Variants in ATP13A5 observed in about 807,000 individuals in gnomAD.
ATP13A5 encodes probable cation-transporting ATPase 13A5.
A neutral mutation model predicts 150.2 loss-of-function variants in ATP13A5; 149 were observed. That is an observed-to-expected ratio of 0.99 (90% CI 0.87 to 1.14). ATP13A5 has a LOEUF of 1.14. Among genes scored for constraint, ATP13A5 ranks in the 50% most tolerant of loss-of-function variants. The pLI is 0.00. For synonymous variants in ATP13A5, 497 were observed against 522.2 expected (o/e 0.95, Z 0.66); for missense variants, 1,383 against 1,449.3 (o/e 0.95, Z 0.74).
In ATP13A5 at chr3:193,344,008, T is replaced by A. The variant is rs747676724; in HGVS notation, c.862A>T (p.Ile288Phe). The A allele has an allele frequency of 3.1e-6, 5 of 1,613,256 alleles. No homozygotes were observed. The highest frequency in any genetic ancestry group is 4.2e-6 in the Non-Finnish European group (5 of 1,179,596). The change falls in exon 9 of 30, where the codon ATT (isoleucine) becomes TTT (phenylalanine). Residue 288 changes from isoleucine (I) to phenylalanine (F), a missense_variant. Physicochemically the swap from Ile to Phe is conservative, Grantham distance 21. Coordinates refer to ENST00000342358, the MANE Select transcript of ATP13A5 (RefSeq NM_198505.4). Reference sequence around the variant, plus strand: ...GGCAATGAAAATTTTCCTGGAAGAATAAGAATGTCTCCGGGAACCAAGAGA... The same window carrying A: ...GGCAATGAAAATTTTCCTGGAAGAAAAAGAATGTCTCCGGGAACCAAGAGA... ...SRLLVPGDIL[I>F]LPGKFSLPCD... is the part of the protein sequence containing the mutation.
intron 24 of ATP13A5, among the ~76,000 whole-genome samples, chr3:193,300,151 T>C (rs1935569433): frequency 6.6e-6 from 1 of 152,194 alleles, no homozygotes; most frequent in South Asian, 2.1e-4. Flanking sequence ...CCTCCAATTC[T>C]TCCTGTCTTC....
intron 7 of ATP13A5, among the ~76,000 whole-genome samples, chr3:193,346,627 G>A (rs1712349224): frequency 6.6e-6 from 1 of 152,094 alleles, no homozygotes; most frequent in East Asian, 1.9e-4. Flanking sequence ...GTTTTGATCT[G>A]TTCTGTTGGT....
rs573322340 is a variant in ATP13A5, at chr3:193,316,675, A to AT, written c.2034-1580dup. Among the ~76,000 whole-genome samples the AT allele has an allele frequency of 1.9e-3, 296 of 151,954 alleles. 1 individual carries two copies. Among genetic ancestry groups the AT allele is most frequent in the African/African-American group, 6.8e-3 (280 of 41,462 alleles). On this transcript the variant is annotated intron_variant, in intron 17 of 29. Coordinates refer to ENST00000342358, the MANE Select transcript of ATP13A5 (RefSeq NM_198505.4). ...CATTTTTAAATTGGATTATTTATTG[A>AT]TTTTTCCTATTGAATTGTGTCCTCT...
At chr3:193,362,303 A>G (rs1405792800) in intron 5 of ATP13A5, 78 bp downstream of exon 5, 1 of 1,242,390 alleles carries the variant, frequency 8.0e-7, no homozygotes, top group Non-Finnish European at 1.2e-6. Context: ...TTATGCCAAC[A>G]ATGCACTGAT....
At chr3:193,290,660 T>G (rs114847555) in intron 25 of ATP13A5, among the ~76,000 whole-genome samples, 3,461 of 152,204 alleles carry the variant, frequency 0.023, 78 homozygotes, top group Admixed American at 0.053. Flanking sequence ...GAAAAAGAAC[T>G]CATGAAAAAT....
At chr3:193,372,698 C>T (rs1403615228) in intron 1 of ATP13A5, among the ~76,000 whole-genome samples, 1 of 152,182 alleles carries the variant, frequency 6.6e-6, no homozygotes, top group Non-Finnish European at 1.5e-5. Context: ...AAATAAAGCA[C>T]TTCAATTACT....
chr3:193,280,320 A>G (rs950108771), intron 27 of ATP13A5, among the ~76,000 whole-genome samples: 7 of 152,062 alleles, frequency 4.6e-5, no homozygotes, highest in East Asian at 3.9e-4. Flanking sequence ...CCAAAGTGCT[A>G]TGATTACAGG....
intron 29 of ATP13A5, among the ~76,000 whole-genome samples, 163 bp from the exon 30 acceptor site, chr3:193,275,465 A>G (rs1717152458): frequency 6.6e-6 from 1 of 152,182 alleles, no homozygotes. Flanking sequence ...TCTGCCCTTA[A>G]GAAGCTAGAG....
In ATP13A5 at chr3:193,362,656, T is replaced by C. The variant is rs772401952; in HGVS notation, c.385-19A>G. On this transcript the variant is annotated intron_variant, in intron 3 of 29. Transcript: ENST00000342358. ...ACCGCAGCTACGATTGCAAATGTGA[T>C]AGAGCAGGTGTCATTCACAGCATAA... The C allele has an allele frequency of 9.9e-6, 16 of 1,612,192 alleles. No homozygotes were observed. In the Admixed American group the frequency reaches 1.2e-4, roughly 12 times the overall value.
intron 28 of ATP13A5, 73 bp downstream of exon 28, chr3:193,279,293 G>C: frequency 8.4e-7 from 1 of 1,194,054 alleles, no homozygotes; most frequent in Non-Finnish European, 1.2e-6. Context: ...AGTAATAATT[G>C]ACTTGTGAAT....
intron 1 of ATP13A5, among the ~76,000 whole-genome samples, chr3:193,373,192 G>A: frequency 6.6e-6 from 1 of 152,084 alleles, no homozygotes; most frequent in East Asian, 1.9e-4. Context: ...AGGCTGGACT[G>A]CAATGGCGTG....
chr3:193,362,782 T>A, intron 3 of ATP13A5, 145 bp from the exon 4 acceptor site: 1 of 523,308 alleles, frequency 1.9e-6, no homozygotes. Context: ...TCTTTCTTTC[T>A]TTCTTTCTTT....
At chr3:193,341,875 A>T (rs529308681) in intron 9 of ATP13A5, among the ~76,000 whole-genome samples, 1 of 152,344 alleles carries the variant, frequency 6.6e-6, no homozygotes, top group African/African-American at 2.4e-5. Flanking sequence ...GAGCTTACCA[A>T]AAAGTGGATA....
intron 1 of ATP13A5, among the ~76,000 whole-genome samples, chr3:193,368,887 C>A (rs1245175446): frequency 6.6e-6 from 1 of 152,084 alleles, no homozygotes; most frequent in African/African-American, 2.4e-5. Flanking sequence ...CTCAAGTAGG[C>A]AAATGTTTCT....
chr3:193,322,623 A>C, intron 14 of ATP13A5, 49 bp from the exon 15 acceptor site: 1 of 1,278,612 alleles, frequency 7.8e-7, no homozygotes, highest in African/African-American at 1.5e-5. Context: ...AAAAATATTA[A>C]GAAAGAAATA....
chr3:193,307,415 C>G (rs1409590537), intron 21 of ATP13A5, 46 bp from the exon 22 acceptor site: 8 of 1,603,454 alleles, frequency 5.0e-6, no homozygotes, highest in Non-Finnish European at 6.8e-6. Context: ...GAAAAATGAA[C>G]AGCTCACTTG....
At chr3:193,284,603 T>C (rs1176790143) in intron 27 of ATP13A5, among the ~76,000 whole-genome samples, 1 of 152,216 alleles carries the variant, frequency 6.6e-6, no homozygotes, top group African/African-American at 2.4e-5. Context: ...AGAGGTTAAT[T>C]TGCATTTGAA....
intron 1 of ATP13A5, among the ~76,000 whole-genome samples, chr3:193,376,170 T>G (rs1032076703): frequency 6.6e-6 from 1 of 152,174 alleles, no homozygotes; most frequent in Non-Finnish European, 1.5e-5. Context: ...CTACATCACA[T>G]AAAAAGTCAG....
At position 193,327,012 on chromosome 3, in the gene ATP13A5, G is replaced by A. The variant is rs772433326; in HGVS notation, c.1507C>T (p.Pro503Ser). 1 of 1,613,682 alleles carries A rather than the reference G, an allele frequency of 6.2e-7. No individual in the cohort carries two copies. ...EDGLDLWGTV[P>S]TADNCFQEAH... ...GAGGCCTACCAGTTGTCAGCAGTAG[G>A]GACAGTCCCCCAGAGGTCCAGCCCA... The change falls in exon 13 of 30, where the codon CCT becomes TCT. Residue 503 changes from proline (P) to serine (S), a missense_variant. By Grantham distance (74) the Pro-to-Ser change is moderately conservative. Around this residue, in one of 3 missense-constraint regions of ATP13A5, gnomAD observed 787 missense variants for 771.9 expected, o/e 1.02. Coordinates refer to ENST00000342358, the MANE Select transcript of ATP13A5 (RefSeq NM_198505.4).
Sources: gnomAD v4.1 joint callset for allele counts (sites outside exome capture counted in the v4.1 genomes callset) on GRCh38, gnomAD v4.1.1 for gene constraint, gnomAD v4.1.1 regional missense constraint, MANE v1.5 for transcripts, NCBI Gene and HGNC (gene_info 2026-07-23, HGNC 2026-07-21) for gene names.